CD3E: variants seen among roughly 807,000 people sequenced by gnomAD.
CD3E encodes CD3 epsilon subunit of T-cell receptor complex, also known as T-cell surface glycoprotein CD3 epsilon chain.
CD3E carries 16 observed loss-of-function variants against 34.7 expected under a neutral mutation model. That is an observed-to-expected ratio of 0.46 (90% CI 0.31 to 0.70). CD3E has a LOEUF of 0.70. CD3E is among the 30% of genes least tolerant of loss of function. The probability of loss-of-function intolerance (pLI) is 0.05; values close to 1 mark genes in which losing one functional copy is unlikely to be tolerated. For missense variants in CD3E, 223 were observed against 253.9 expected, an observed-to-expected ratio of 0.88 and a Z score of 0.83; for synonymous variants, 70 against 90.8, an observed-to-expected ratio of 0.77 and a Z score of 1.30.
chr11:118,314,887 T>C (rs904392152), intron 8 of CD3E, among the ~76,000 whole-genome samples: 1 of 151,902 alleles, frequency 6.6e-6, no homozygotes, highest in Non-Finnish European at 1.5e-5. Context: ...ATAAAAGTTA[T>C]TGAAATATTA....
intron 2 of CD3E, among the ~76,000 whole-genome samples, chr11:118,305,991 G>C (rs989598060): frequency 1.3e-5 from 2 of 152,198 alleles, no homozygotes; most frequent in African/African-American, 4.8e-5. Context: ...TGGGGATCTT[G>C]TTAAAAATGC....
chr11:118,306,502 A>G (rs61900904), intron 2 of CD3E, among the ~76,000 whole-genome samples: 1 of 25,414 alleles, frequency 3.9e-5, no homozygotes, highest in South Asian at 2.7e-3. Context: ...TAAATAAATA[A>G]ATAAATAAAT....
chr11:118,308,815 T>C (rs549147539), intron 4 of CD3E, among the ~76,000 whole-genome samples: 5 of 152,302 alleles, frequency 3.3e-5, no homozygotes, highest in Middle Eastern at 3.4e-3. Flanking sequence ...TATGAACACA[T>C]TGCTAATTAC....
chr11:118,312,240 G>T, intron 5 of CD3E, 70 bp downstream of exon 5: 1 of 1,256,130 alleles, frequency 8.0e-7, no homozygotes, highest in South Asian at 1.2e-5. Context: ...AGAAGGAACT[G>T]ATTGAGAGAG....
intron 8 of CD3E, among the ~76,000 whole-genome samples, chr11:118,315,134 A>C (rs777880594): frequency 3.3e-5 from 5 of 152,116 alleles, no homozygotes; most frequent in Non-Finnish European, 5.9e-5. Flanking sequence ...CTAGTTGTTA[A>C]ATATTTTCAC....
chr11:118,306,070 T>G (rs1423989564), intron 2 of CD3E, among the ~76,000 whole-genome samples: 2 of 152,184 alleles, frequency 1.3e-5, no homozygotes, highest in Admixed American at 6.5e-5. Flanking sequence ...TCAAGTTTAT[T>G]AATCTGCTGC....
At position 118,308,412 on chromosome 11, in the gene CD3E, C is replaced by T. The variant is rs749389422; in HGVS notation, c.71-15C>T. 3.0e-5 allele frequency: 48 copies of T among 1,591,486 alleles called. No individual in the cohort carries two copies. In the South Asian group the frequency reaches 4.7e-4, roughly 16 times the overall value. ...TAGAAACATTACTAATGGCTTCTTA[C>T]TGTTTCCTTTTCAGGTAATGAAGAA... is the stretch of plus-strand genomic sequence containing the variant. On this transcript the variant is annotated splice_polypyrimidine_tract_variant and intron_variant, in intron 3 of 8. Transcript: ENST00000361763.
chr11:118,314,826 C>T (rs946155702), intron 8 of CD3E, among the ~76,000 whole-genome samples: 1 of 152,056 alleles, frequency 6.6e-6, no homozygotes, highest in Non-Finnish European at 1.5e-5. Context: ...ATTCCACCAG[C>T]ATGCACCAGT....
chr11:118,305,607 C>T (rs1165493890), intron 2 of CD3E, among the ~76,000 whole-genome samples: 1 of 152,114 alleles, frequency 6.6e-6, no homozygotes, highest in African/African-American at 2.4e-5. Flanking sequence ...ATTATTTAGA[C>T]GTGTTAACTG....
Position 118,312,883 on chromosome 11 carries a change from G to T in CD3E, c.352+17G>T. 6.2e-7 allele frequency: 1 copy of T among 1,614,020 alleles called. No homozygotes were observed. The highest frequency in any genetic ancestry group is 1.1e-5 in the South Asian group (1 of 91,030). On this transcript the variant is annotated intron_variant, in intron 6 of 8. Transcript: ENST00000361763. ...GGGCAAGAGGTAATCCAGGTCTCCA[G>T]AACAGGTACCACCGGCTCTTTAGGG... is the stretch of plus-strand genomic sequence containing the variant.
At position 118,312,182 on chromosome 11, in the gene CD3E, G is replaced by C. The variant is rs377014131; in HGVS notation, c.103+12G>C. 3 of 1,609,656 alleles carry C rather than the reference G, an allele frequency of 1.9e-6. No individual in the cohort carries two copies. Among genetic ancestry groups the C allele is most frequent in the Admixed American group, 1.7e-5 (1 of 59,962 alleles). On this transcript the variant is annotated intron_variant, in intron 5 of 8. Transcript: ENST00000361763. ...TATTACACAGACACGTGAGTTTATT[G>C]GTCTTTTATTTATGCCCTGTCTGAG...
In CD3E at chr11:118,307,312, AG is replaced by A; in HGVS notation, c.70+5del. 1 of 1,604,728 alleles carries A rather than the reference AG, an allele frequency of 6.2e-7. No homozygotes were observed. The highest frequency in any genetic ancestry group is 8.5e-7 in the Non-Finnish European group (1 of 1,173,660). On this transcript the variant is annotated splice_donor_5th_base_variant and intron_variant, in intron 3 of 8. Coordinates refer to ENST00000361763, the MANE Select transcript of CD3E (RefSeq NM_000733.4). Reference sequence around the variant, plus strand: ...GTTGGCGTTTGGGGGCAAGATGGTGAGATATGCTTTCTTTCTTTCTTTTTTA... The same window carrying A: ...GTTGGCGTTTGGGGGCAAGATGGTGAATATGCTTTCTTTCTTTCTTTTTTA...
At chr11:118,312,198 C>T (rs200265584) in intron 5 of CD3E, 28 bp downstream of exon 5, 16 of 1,599,438 alleles carry the variant, frequency 1.0e-5, no homozygotes, top group Middle Eastern at 1.7e-4. Flanking sequence ...TTATTTATGC[C>T]CTGTCTGAGG....
rs143630318 is a variant in CD3E, at chr11:118,307,293, G to A, written c.55G>A (p.Val19Ile). Residue 19 changes from valine to isoleucine, a missense_variant, in exon 3 of 9, where the codon GTT (valine) becomes ATT (isoleucine). Transcript: ENST00000361763. ...VLGLCLLSVG[V>I]WGQDGNEEMG... ...TTTTCTTATTTATTTTCTAGTTGGC[G>A]TTTGGGGGCAAGATGGTGAGATATG... The A allele has an allele frequency of 2.4e-5, 38 of 1,606,640 alleles. No homozygotes were observed. The Middle Eastern group carries it at 1.5e-3, about 63-fold the overall frequency.
chr11:118,308,811 C>CCCCAGG (rs1948121003), intron 4 of CD3E, among the ~76,000 whole-genome samples: 1 of 152,142 alleles, frequency 6.6e-6, no homozygotes, highest in African/African-American at 2.4e-5. Context: ...AACATATGAA[C>CCCCAGG]ACATTGCTAA....
In CD3E at chr11:118,309,469, A is replaced by G. The variant is rs112155602; in HGVS notation, c.85+1028A>G. Among the ~76,000 whole-genome samples the G allele has an allele frequency of 2.4e-3, 362 of 152,240 alleles. 1 individual carries two copies. Among genetic ancestry groups the G allele is most frequent in the African/African-American group, 8.5e-3 (353 of 41,540 alleles). ...CAGGTGCCTGTAATCTCAGCTACTC[A>G]GGAGGCTGAGGTAGGAGAATTGCTT... On this transcript the variant is annotated intron_variant, in intron 4 of 8. Transcript: ENST00000361763.
chr11:118,315,470 T>G lies in CD3E; in HGVS notation c.568-16T>G, dbSNP rs200750253. On this transcript the variant is annotated splice_polypyrimidine_tract_variant and intron_variant, in intron 8 of 8. Coordinates refer to ENST00000361763, the MANE Select transcript of CD3E (RefSeq NM_000733.4). ...CTCCCGCACCACTGACCGCCCCCTC[T>G]CTATTTCACCCCCAGCCCATCCGGA... is the stretch of plus-strand genomic sequence containing the variant. 145 of 1,611,802 alleles carry G rather than the reference T, an allele frequency of 9.0e-5. 3 individuals are homozygous for G. The South Asian group carries it at 1.6e-3, about 17-fold the overall frequency.
In CD3E at chr11:118,312,774, T is replaced by A. The variant is rs1357486248; in HGVS notation, c.260T>A (p.Phe87Tyr). 6.2e-7 allele frequency: 1 copy of A among 1,614,034 alleles called. No homozygotes were observed. The highest frequency in any genetic ancestry group is 8.5e-7 in the Non-Finnish European group (1 of 1,180,022). ...SDEDHLSLKE[F>Y]SELEQSGYYV... ...GAGGATCACCTGTCACTGAAGGAAT[T>A]TTCAGAATTGGAGCAAAGTGGTTAT... Residue 87 changes from phenylalanine to tyrosine, a missense_variant, in exon 6 of 9, where the codon TTT becomes TAT. Phe to Tyr is a conservative substitution (Grantham distance 22, BLOSUM62 3). Transcript: ENST00000361763.
intron 4 of CD3E, 118 bp from the exon 5 acceptor site, chr11:118,312,035 T>G: frequency 1.2e-6 from 1 of 855,582 alleles, no homozygotes; most frequent in Non-Finnish European, 2.0e-6. Flanking sequence ...CCTAAATGGA[T>G]GAGACCCTCT....
Sources: allele counts gnomAD v4.1 joint callset (sites outside exome capture counted in the v4.1 genomes callset), GRCh38; gene constraint gnomAD v4.1.1; transcripts MANE v1.5; gene names NCBI Gene and HGNC (gene_info 2026-07-23, HGNC 2026-07-21).